TBL1XR1: variants seen among roughly 807,000 people sequenced by gnomAD.
The protein encoded by TBL1XR1 is F-box-like/WD repeat-containing protein TBL1XR1.
TBL1XR1 carries 5 observed loss-of-function variants against 66.9 expected under a neutral mutation model. The observed-to-expected ratio is 0.07, with a 90% CI of 0.04 to 0.16. The LOEUF (loss-of-function observed/expected upper bound fraction) is 0.16. TBL1XR1 is among the 10% of genes least tolerant of loss of function. TBL1XR1 has a pLI of 1.00. For synonymous variants in TBL1XR1, 210 were observed against 206.0 expected (o/e 1.02, Z -0.17); for missense variants, 238 against 623.2 (o/e 0.38, Z 6.58).
intron 1 of TBL1XR1, among the ~76,000 whole-genome samples, chr3:177,146,450 G>C (rs1236139556): frequency 8.0e-5 from 12 of 150,918 alleles, no homozygotes; most frequent in African/African-American, 2.4e-4. Flanking sequence ...CCATGCCCAG[G>C]TAATTTTTTG....
chr3:177,026,123 A>C, intron 15 of TBL1XR1: 1 of 486,054 alleles, frequency 2.1e-6, no homozygotes, highest in Non-Finnish European at 3.6e-6. Context: ...TAATTTCATA[A>C]ATGAAGGTTC....
At chr3:177,190,372 G>C (rs1735999667) in intron 1 of TBL1XR1, among the ~76,000 whole-genome samples, 1 of 152,114 alleles carries the variant, frequency 6.6e-6, no homozygotes, top group African/African-American at 2.4e-5. Context: ...CTGGAGTGCA[G>C]TGGCGCAATC....
intron 1 of TBL1XR1, among the ~76,000 whole-genome samples, chr3:177,135,547 C>G (rs1728896909): frequency 6.7e-6 from 1 of 150,360 alleles, no homozygotes; most frequent in Non-Finnish European, 1.5e-5. Context: ...CCACGCCTGG[C>G]TAATTTTTGT....
In TBL1XR1 at chr3:177,023,830, T is replaced by C. The variant is rs1468719715; in HGVS notation, c.*1668A>G. The C allele has an allele frequency of 6.6e-6, 1 of 152,380 alleles. No individual in the cohort carries two copies. The highest frequency in any genetic ancestry group is 1.5e-5 in the Non-Finnish European group (1 of 67,924). The allele number at this position is 152,380 out of a possible 1,614,324, so 9.4% of individuals were successfully genotyped here. On this transcript the variant is annotated 3_prime_UTR_variant, in exon 16 of 16. Transcript: ENST00000457928. ...TCAAAATAATTAGTGACAGAAATAG[T>C]GTTATTAATTTGCTAAGCTCAACAA...
At chr3:177,158,431 G>A (rs972467530) in intron 1 of TBL1XR1, among the ~76,000 whole-genome samples, 11 of 151,950 alleles carry the variant, frequency 7.2e-5, no homozygotes, top group African/African-American at 2.7e-4. Flanking sequence ...GTTTCACCAT[G>A]TTGGCCAGGC....
At chr3:177,201,414 CAAAAAAA>C (rs557996871), upstream of TBL1XR1, among the ~76,000 whole-genome samples, 8 of 41,330 alleles carry the variant, frequency 1.9e-4, no homozygotes, top group African/African-American at 3.6e-4. Flanking sequence ...GATTACATCT[CAAAAAAA>C]AAAAAAAAAA....
At chr3:177,193,170 T>C (rs62296617) in intron 1 of TBL1XR1, among the ~76,000 whole-genome samples, 18,575 of 151,504 alleles carry the variant, frequency 0.12, 1,533 homozygotes, top group South Asian at 0.19. Flanking sequence ...TAAAATAAAA[T>C]AAAATTTTAA....
chr3:177,047,216 A>C, intron 9 of TBL1XR1, 84 bp downstream of exon 9: 1 of 1,106,050 alleles, frequency 9.0e-7, no homozygotes, highest in Non-Finnish European at 1.3e-6. Flanking sequence ...AGGAATGTTT[A>C]TGTAATTGGC....
At position 177,025,909 on chromosome 3, in the gene TBL1XR1, G is replaced by A. The variant is rs116847906; in HGVS notation, c.1519-385C>T. ...TTTCCCACCTTCTGGTGCTTCTACA[G>A]CTTTGGAAGCCATATTTGCATTGTT... is the stretch of plus-strand genomic sequence containing the variant. On this transcript the variant is annotated intron_variant, in intron 15 of 15. Transcript: ENST00000457928. The A allele has an allele frequency of 5.5e-4, 154 of 277,946 alleles. 2 individuals are homozygous for A. In the East Asian group the frequency reaches 0.015, roughly 27 times the overall value. The allele number at this position is 277,946 out of a possible 1,614,324, so 17.2% of individuals were successfully genotyped here.
At chr3:177,136,000 A>C (rs973326760) in intron 1 of TBL1XR1, among the ~76,000 whole-genome samples, 2 of 152,010 alleles carry the variant, frequency 1.3e-5, no homozygotes, top group African/African-American at 2.4e-5. Context: ...TGGAATCCAA[A>C]TCTCTCCATC....
intron 1 of TBL1XR1, among the ~76,000 whole-genome samples, chr3:177,188,303 C>G (rs1437552424): frequency 6.6e-6 from 1 of 152,090 alleles, no homozygotes; most frequent in Admixed American, 6.5e-5. Flanking sequence ...CCCACCAGCA[C>G]TTTGGGAGGC....
chr3:177,143,256 G>T (rs569220192), intron 1 of TBL1XR1, among the ~76,000 whole-genome samples: 1 of 152,034 alleles, frequency 6.6e-6, no homozygotes, highest in African/African-American at 2.4e-5. Context: ...TATGACCGAG[G>T]CCTACAGGAA....
chr3:177,026,036 A>T (rs1180384083), intron 15 of TBL1XR1: 8 of 304,598 alleles, frequency 2.6e-5, no homozygotes. Context: ...GGCCAAAAAA[A>T]TTCTTCTGTG....
chr3:177,072,045 C>G (rs1452863476), intron 2 of TBL1XR1, among the ~76,000 whole-genome samples: 3 of 152,202 alleles, frequency 2.0e-5, no homozygotes, highest in Non-Finnish European at 4.4e-5. Context: ...CCTACCCAGT[C>G]AAGTTACAGA....
chr3:177,043,800 TTA>T (rs1227752434), intron 10 of TBL1XR1, among the ~76,000 whole-genome samples: 1 of 152,222 alleles, frequency 6.6e-6, no homozygotes, highest in African/African-American at 2.4e-5. Context: ...TGGATATTTT[TTA>T]TGATTACATT....
At chr3:177,057,374 T>C (rs1577045021) in intron 3 of TBL1XR1, among the ~76,000 whole-genome samples, 1 of 152,226 alleles carries the variant, frequency 6.6e-6, no homozygotes. Flanking sequence ...GTGTGACTAC[T>C]AGACTGGGAT....
chr3:177,039,862 G>A (rs1044715161), intron 10 of TBL1XR1, among the ~76,000 whole-genome samples: 1 of 152,168 alleles, frequency 6.6e-6, no homozygotes, highest in African/African-American at 2.4e-5. Flanking sequence ...TTGAAACCCA[G>A]ACAAATGCAT....
At chr3:177,076,021 C>T (rs1473717980) in intron 2 of TBL1XR1, among the ~76,000 whole-genome samples, 3 of 152,130 alleles carry the variant, frequency 2.0e-5, no homozygotes, top group Non-Finnish European at 4.4e-5. Flanking sequence ...AGTTTTTTCT[C>T]ACAGTTCTGG....
intron 3 of TBL1XR1, among the ~76,000 whole-genome samples, chr3:177,054,169 T>C (rs530494305): frequency 2.0e-4 from 31 of 152,286 alleles, no homozygotes; most frequent in African/African-American, 7.0e-4. Flanking sequence ...TACTTGATTA[T>C]ATAGCTTCAA....
Sources: gnomAD v4.1 joint callset for allele counts (sites outside exome capture counted in the v4.1 genomes callset) on GRCh38, gnomAD v4.1.1 for gene constraint, MANE v1.5 for transcripts, NCBI Gene and HGNC (gene_info 2026-07-23, HGNC 2026-07-21) for gene names.